Variants in GPM6A observed in about 807,000 individuals in gnomAD.
GPM6A encodes the protein glycoprotein M6A, also known as neuronal membrane glycoprotein M6-a.
A neutral mutation model predicts 32.1 loss-of-function variants in GPM6A; 7 were observed. The observed-to-expected ratio is 0.22, with a 90% CI of 0.12 to 0.41. The LOEUF (loss-of-function observed/expected upper bound fraction) is 0.41, where lower values mean the gene tolerates loss of function less well. GPM6A is among the 10% of genes least tolerant of loss of function. The pLI, the probability that GPM6A is intolerant of heterozygous loss-of-function variation, is 1.00. For missense variants in GPM6A, 235 were observed against 347.2 expected, an observed-to-expected ratio of 0.68 and a Z score of 2.57; for synonymous variants, 130 against 123.4, an observed-to-expected ratio of 1.05 and a Z score of -0.35.
At chr4:175,750,210 C>T (rs1436118469) in intron 1 of GPM6A, among the ~76,000 whole-genome samples, 2 of 151,996 alleles carry the variant, frequency 1.3e-5, no homozygotes, top group African/African-American at 4.8e-5. Context: ...AGGCGCATGC[C>T]ACCACACCCT....
At chr4:175,770,867 A>C (rs1452107570) in intron 1 of GPM6A, among the ~76,000 whole-genome samples, 1 of 152,078 alleles carries the variant, frequency 6.6e-6, no homozygotes, top group Non-Finnish European at 1.5e-5. Flanking sequence ...CACTCACAAC[A>C]ACCTAGCCGA....
chr4:175,913,180 C>CTT (rs1314629882), intron 1 of GPM6A, among the ~76,000 whole-genome samples: 1 of 152,126 alleles, frequency 6.6e-6, no homozygotes, highest in East Asian at 1.9e-4. Flanking sequence ...TGACCATATG[C>CTT]TTTATAATAA....
chr4:175,669,651 A>G (rs62336010), intron 3 of GPM6A, among the ~76,000 whole-genome samples: 8,359 of 152,320 alleles, frequency 0.055, 319 homozygotes, highest in Non-Finnish European at 0.089. Flanking sequence ...TAAAACTTAT[A>G]TATGGAAGAA....
intron 1 of GPM6A, among the ~76,000 whole-genome samples, chr4:175,921,527 A>G (rs1465097630): frequency 6.7e-6 from 1 of 149,642 alleles, no homozygotes; most frequent in Non-Finnish European, 1.5e-5. Context: ...AAGAAAAAAA[A>G]TGAAATATAA....
intron 1 of GPM6A, among the ~76,000 whole-genome samples, chr4:175,877,267 C>G (rs1337137179): frequency 2.0e-5 from 3 of 152,162 alleles, no homozygotes; most frequent in Non-Finnish European, 4.4e-5. Context: ...GACAGCAAAT[C>G]TGAGTCATTT....
chr4:175,852,947 C>T (rs1196269269), intron 1 of GPM6A, among the ~76,000 whole-genome samples: 2 of 152,070 alleles, frequency 1.3e-5, no homozygotes, highest in Non-Finnish European at 2.9e-5. Flanking sequence ...TCAATCGATG[C>T]GCAATAAATA....
chr4:175,848,797 A>T (rs1414012933), intron 1 of GPM6A, among the ~76,000 whole-genome samples: 1 of 152,222 alleles, frequency 6.6e-6, no homozygotes, highest in Admixed American at 6.5e-5. Flanking sequence ...ACTAACAAAC[A>T]TAAATGTCTA....
intron 1 of GPM6A, among the ~76,000 whole-genome samples, chr4:175,843,070 G>T (rs56077858): frequency 0.4 from 61,199 of 151,366 alleles, 13,159 homozygotes; most frequent in African/African-American, 0.57. Context: ...GGTAGATATA[G>T]CAAACTTCAA....
chr4:175,957,113 T>C (rs998031682), intron 1 of GPM6A, among the ~76,000 whole-genome samples: 3 of 152,192 alleles, frequency 2.0e-5, no homozygotes, highest in Admixed American at 6.5e-5. Context: ...AATGTGCACC[T>C]TGGAAATGTT....
intron 1 of GPM6A, among the ~76,000 whole-genome samples, chr4:175,968,779 G>A (rs1740409756): frequency 1.3e-5 from 2 of 152,168 alleles, no homozygotes; most frequent in Non-Finnish European, 2.9e-5. Flanking sequence ...GACAATATCA[G>A]ATGCTGGCAA....
intron 1 of GPM6A, among the ~76,000 whole-genome samples, chr4:175,995,376 TAAAAAAAAA>T (rs10541049): frequency 5.2e-5 from 5 of 96,306 alleles, no homozygotes; most frequent in African/African-American, 1.9e-4. Context: ...TTTCAATTTG[TAAAAAAAAA>T]AAAAAAAAAA....
intron 1 of GPM6A, among the ~76,000 whole-genome samples, chr4:175,817,641 T>TG (rs34571394): frequency 0.83 from 125,865 of 151,968 alleles, 53,629 homozygotes; most frequent in Middle Eastern, 0.96. Flanking sequence ...TGAAATTAGA[T>TG]GGGAAAAAAG....
intron 2 of GPM6A, among the ~76,000 whole-genome samples, chr4:175,693,332 G>C (rs1277655764): frequency 6.7e-6 from 1 of 148,648 alleles, no homozygotes; most frequent in Non-Finnish European, 1.5e-5. Context: ...TATATATTTG[G>C]AAACAGGAGT....
chr4:175,670,746 C>T (rs1743010127), intron 3 of GPM6A, among the ~76,000 whole-genome samples: 1 of 151,946 alleles, frequency 6.6e-6, no homozygotes, highest in South Asian at 2.1e-4. Context: ...TGAATTGGTG[C>T]TGATACCGCA....
At chr4:175,715,124 A>C (rs942599194) in intron 1 of GPM6A, among the ~76,000 whole-genome samples, 2 of 152,168 alleles carry the variant, frequency 1.3e-5, no homozygotes, top group Non-Finnish European at 2.9e-5. Flanking sequence ...AAATGGACTA[A>C]TTAACATAAA....
upstream of GPM6A, among the ~76,000 whole-genome samples, chr4:175,816,856 TTTTTTA>T (rs1202397778): frequency 5.2e-5 from 6 of 114,316 alleles, no homozygotes; most frequent in African/African-American, 2.1e-4. Context: ...TTCTTTTCTT[TTTTTTA>T]TTTTTATTTT....
At chr4:175,773,538 AAAT>A (rs1169636664) in intron 1 of GPM6A, among the ~76,000 whole-genome samples, 1 of 152,146 alleles carries the variant, frequency 6.6e-6, no homozygotes, top group Non-Finnish European at 1.5e-5. Flanking sequence ...AACTCTTTAA[AAAT>A]AATAAGAATA....
intron 1 of GPM6A, among the ~76,000 whole-genome samples, chr4:175,890,537 T>C (rs1021696543): frequency 6.6e-6 from 1 of 151,252 alleles, no homozygotes; most frequent in Non-Finnish European, 1.5e-5. Flanking sequence ...TATGTTATGC[T>C]ATGTTTTTAT....
At position 175,838,983 on chromosome 4, in the gene GPM6A, T is replaced by C. The variant is rs538863791; in HGVS notation, c.-22-26734A>G. On this transcript the variant is annotated intron_variant, in intron 1 of 7. Transcript: ENST00000280187. ...CCAACTGAAAATTTTAATCTATATA[T>C]GATAATGGATCTGACTTCAGGAATA... is the stretch of plus-strand genomic sequence containing the variant. Among the ~76,000 whole-genome samples, 6 of 152,174 alleles carry C rather than the reference T, an allele frequency of 3.9e-5. No homozygotes were observed. In the South Asian group the frequency reaches 8.3e-4, roughly 21 times the overall value.
Sources: allele counts gnomAD v4.1 joint callset (sites outside exome capture counted in the v4.1 genomes callset), GRCh38; gene constraint gnomAD v4.1.1; transcripts MANE v1.5; gene names NCBI Gene and HGNC (gene_info 2026-07-23, HGNC 2026-07-21).